The following ENKUR variants were observed in gnomAD, a reference collection of about 807,000 sequenced individuals.
ENKUR encodes the protein enkurin, TRPC channel interacting protein, also known as enkurin.
A neutral mutation model predicts 27.6 loss-of-function variants in ENKUR; 19 were observed. That is an observed-to-expected ratio of 0.69 (90% CI 0.48 to 1.01). The LOEUF (loss-of-function observed/expected upper bound fraction) is 1.01. ENKUR is among the 50% of genes least tolerant of loss of function. The pLI is 0.00. For missense variants in ENKUR, 312 were observed against 310.5 expected (o/e 1.00, Z -0.04); for synonymous variants, 117 against 96.9 (o/e 1.21, Z -1.22).
Position 25,024,939 on chromosome 10 carries a change from A to G in ENKUR, c.38-29070T>C, listed in dbSNP as rs377391207. 1.7e-5 allele frequency: 28 copies of G among 1,614,062 alleles called. No individual in the cohort carries two copies. In the African/African-American group the frequency reaches 2.3e-4, roughly 13 times the overall value. On this transcript the variant is annotated intron_variant, in intron 2 of 5. Coordinates refer to the ENKUR transcript ENST00000615958. ...TAGATATTCTCAAATCTTCAAACCT[A>G]GAACGACATTTACACTTGATGGCTA...
chr10:25,002,990 T>C (rs1850223366), intron 1 of ENKUR, among the ~76,000 whole-genome samples: 2 of 152,038 alleles, frequency 1.3e-5, no homozygotes, highest in South Asian at 4.1e-4. Context: ...TATATTTTTG[T>C]GTAGGTATAT....
In ENKUR at chr10:24,999,388, T is replaced by C. The variant is rs1850138875; in HGVS notation, c.223+13A>G. ...TGCTTTTAATATTAAAAATAAAGCATGATAAAACCTACTGGGTGGTAGAGT... is the reference window on the plus strand; with the variant it reads ...TGCTTTTAATATTAAAAATAAAGCACGATAAAACCTACTGGGTGGTAGAGT... On this transcript the variant is annotated intron_variant, in intron 2 of 5. Coordinates refer to ENST00000331161, the MANE Select transcript of ENKUR (RefSeq NM_145010.4). The C allele has an allele frequency of 2.5e-6, 4 of 1,587,986 alleles. No homozygotes were observed. The highest frequency in any genetic ancestry group is 2.6e-6 in the Non-Finnish European group (3 of 1,172,440).
At position 25,016,085 on chromosome 10, in the gene ENKUR, AC is replaced by A. The variant is rs1564345457; in HGVS notation, c.-150del. On this transcript the variant is annotated 5_prime_UTR_variant, in exon 1 of 6. Transcript: ENST00000331161. Reference sequence around the variant, plus strand: ...CTCTCCTTCACATCGTCCCCCTTTAACCCCCTCTTAGCAGTCCTCTCTCGGG... The same window carrying A: ...CTCTCCTTCACATCGTCCCCCTTTAACCCCTCTTAGCAGTCCTCTCTCGGG... 2.2e-6 allele frequency: 3 copies of A among 1,351,480 alleles called. No homozygotes were observed. Among genetic ancestry groups the A allele is most frequent in the Admixed American group, 3.3e-5 (1 of 30,170 alleles). 83.7% of individuals were successfully genotyped at this position (1,351,480 alleles called of 1,614,324 possible).
intron 2 of ENKUR, chr10:25,025,742 T>C (rs1564351419): frequency 2.8e-5 from 9 of 317,618 alleles, no homozygotes; most frequent in Non-Finnish European, 5.5e-5. Flanking sequence ...ACCCTCACTG[T>C]TATGTGGACC....
chr10:25,054,890 A>G (rs1851235627), intron 2 of ENKUR, among the ~76,000 whole-genome samples: 1 of 151,870 alleles, frequency 6.6e-6, no homozygotes, highest in Non-Finnish European at 1.5e-5. Context: ...TGCCAAACAG[A>G]TCTCGAACTC....
In ENKUR at chr10:25,061,251, T is replaced by C. The variant is rs1004790604; in HGVS notation, c.-103A>G. 1.4e-5 allele frequency: 14 copies of C among 1,009,528 alleles called. No individual in the cohort carries two copies. In the African/African-American group the frequency reaches 1.9e-4, roughly 14 times the overall value. The allele number at this position is 1,009,528 out of a possible 1,614,324, so 62.5% of individuals were successfully genotyped here. A position where few individuals can be genotyped will look rare whatever the true frequency, so the allele number is the denominator to read the frequency against. ...CCCTGGTTTGCAGCTATATGGTTGA[T>C]GCTGCCAGACACATCCAGATATGGA... On this transcript the variant is annotated 5_prime_UTR_variant, in exon 2 of 6. Transcript: ENST00000615958.
intron 2 of ENKUR, among the ~76,000 whole-genome samples, chr10:25,054,538 T>TC (rs1851230323): frequency 1.3e-5 from 2 of 150,128 alleles, no homozygotes; most frequent in African/African-American, 4.9e-5. Flanking sequence ...TTCCTTTCTT[T>TC]CTTTCTTTCC....
chr10:25,024,663 A>G, intron 2 of ENKUR: 1 of 1,614,224 alleles, frequency 6.2e-7, no homozygotes, highest in Non-Finnish European at 8.5e-7. Flanking sequence ...TTCCGCAGGT[A>G]GTTTATCATG....
intron 4 of ENKUR, among the ~76,000 whole-genome samples, chr10:24,988,266 T>TTA (rs1394844973): frequency 2.8e-4 from 39 of 139,910 alleles, no homozygotes; most frequent in African/African-American, 3.4e-4. Flanking sequence ...ATATATATAT[T>TTA]TATATATATG....
chr10:25,054,513 C>CTTTCTTTCCTTTCTTT (rs1554774507), intron 2 of ENKUR, among the ~76,000 whole-genome samples: 1 of 71,368 alleles, frequency 1.4e-5, no homozygotes, highest in South Asian at 5.7e-4. Context: ...TTCTTTCTTT[C>CTTTCTTTCCTTTCTTT]CTTTCTTTCT....
rs1276844918 is a variant in ENKUR, at chr10:24,983,925, AG to A, written c.*444del. On this transcript the variant is annotated 3_prime_UTR_variant, in exon 6 of 6. Coordinates refer to ENST00000331161, the MANE Select transcript of ENKUR (RefSeq NM_145010.4). ...TACTAACATAAACTTATTGCTTAAT[AG>A]ATTATGTAATCTTACAAATGTAACT... is the stretch of plus-strand genomic sequence containing the variant. 6.5e-6 allele frequency: 1 copy of A among 154,364 alleles called. No individual in the cohort carries two copies. Among genetic ancestry groups the A allele is most frequent in the Non-Finnish European group, 1.4e-5 (1 of 69,596 alleles). 9.6% of individuals were successfully genotyped at this position (154,364 alleles called of 1,614,324 possible).
intron 1 of ENKUR, among the ~76,000 whole-genome samples, chr10:25,000,421 T>C (rs1055911318): frequency 6.6e-6 from 1 of 152,178 alleles, no homozygotes; most frequent in African/African-American, 2.4e-5. Flanking sequence ...TTAAGGTCTC[T>C]GACTGTAATT....
intron 2 of ENKUR, among the ~76,000 whole-genome samples, chr10:25,060,617 G>A (rs1471361644): frequency 6.6e-6 from 1 of 152,104 alleles, no homozygotes; most frequent in Non-Finnish European, 1.5e-5. Context: ...TTTGAATGGG[G>A]CTTGAACCTA....
intron 3 of ENKUR, 26 bp downstream of exon 3, chr10:24,995,620 C>T: frequency 1.9e-6 from 3 of 1,564,380 alleles, no homozygotes; most frequent in Non-Finnish European, 2.6e-6. Flanking sequence ...AATTTCAGCC[C>T]TCTTATTAAT....
chr10:25,030,828 A>G (rs1283197347), intron 2 of ENKUR, among the ~76,000 whole-genome samples: 1 of 152,164 alleles, frequency 6.6e-6, no homozygotes, highest in African/African-American at 2.4e-5. Context: ...GATTCTAAAG[A>G]TAGTGCTTGG....
intron 2 of ENKUR, among the ~76,000 whole-genome samples, chr10:25,056,875 T>C (rs1221438658): frequency 6.6e-6 from 1 of 152,176 alleles, no homozygotes; most frequent in Non-Finnish European, 1.5e-5. Flanking sequence ...GACAGGCACC[T>C]GCAGCTAGGA....
At chr10:25,030,538 T>G (rs1376184115) in intron 2 of ENKUR, among the ~76,000 whole-genome samples, 2 of 152,144 alleles carry the variant, frequency 1.3e-5, no homozygotes, top group Non-Finnish European at 1.5e-5. Flanking sequence ...TTTTTTTCCT[T>G]TCCTGTAGAA....
In ENKUR at chr10:24,988,527, C is replaced by T. The variant is rs114907279; in HGVS notation, c.594+1936G>A. 5.1e-3 allele frequency among the ~76,000 whole-genome samples: 753 copies of T among 146,862 alleles called. 6 individuals carry two copies. Among genetic ancestry groups the T allele is most frequent in the African/African-American group, 0.018 (712 of 40,420 alleles). On this transcript the variant is annotated intron_variant, in intron 4 of 5. Transcript: ENST00000331161. Reference sequence around the variant, plus strand: ...GCAATTTAATTGGTGAGAGGAACTACGGATCTATGTACATGTAGAGATATG... The same window carrying T: ...GCAATTTAATTGGTGAGAGGAACTATGGATCTATGTACATGTAGAGATATG...
chr10:24,994,852 G>A (rs554652315), intron 3 of ENKUR, among the ~76,000 whole-genome samples: 2 of 143,318 alleles, frequency 1.4e-5, no homozygotes, highest in African/African-American at 5.7e-5. Flanking sequence ...GAAACCCCCT[G>A]TCTACTAAAT....
Sources: allele counts gnomAD v4.1 joint callset (sites outside exome capture counted in the v4.1 genomes callset), GRCh38; gene constraint gnomAD v4.1.1; transcripts MANE v1.5; gene names NCBI Gene and HGNC (gene_info 2026-07-23, HGNC 2026-07-21).